UROS: variants seen among roughly 807,000 people sequenced by gnomAD.
UROS encodes the protein uroporphyrinogen III synthase.
A neutral mutation model predicts 33.0 loss-of-function variants in UROS; 18 were observed. The ratio of observed to expected loss-of-function variants is 0.55; its 90% CI spans 0.38 to 0.81. The LOEUF (loss-of-function observed/expected upper bound fraction) is 0.81, where lower values mean the gene tolerates loss of function less well. Ranked by LOEUF, UROS falls within the 30% of genes least tolerant of loss-of-function variation. The pLI is 0.00. For synonymous variants in UROS, 114 were observed against 121.1 expected, an observed-to-expected ratio of 0.94 and a Z score of 0.38; for missense variants, 293 against 314.9, an observed-to-expected ratio of 0.93 and a Z score of 0.53.
At position 125,810,663 on chromosome 10, in the gene UROS, G is replaced by A. The variant is rs140927677; in HGVS notation, c.319+1551C>T. Among the ~76,000 whole-genome samples the A allele has an allele frequency of 1.2e-3, 187 of 152,284 alleles. 1 individual carries two copies. Among genetic ancestry groups the A allele is most frequent in the Non-Finnish European group, 1.2e-3 (84 of 68,016 alleles). ...GGGCCTGGTCTCCTCCCAGCTGTTG[G>A]TGCTCAACTTCTGATAACTCTCCAG... is the stretch of plus-strand genomic sequence containing the variant. On this transcript the variant is annotated intron_variant, in intron 5 of 9. Transcript: ENST00000368797.
At position 125,788,819 on chromosome 10, in the gene UROS, GCCAGC is replaced by G. The variant is rs764517184; in HGVS notation, c.*44_*48del. 4 of 1,543,794 alleles carry G rather than the reference GCCAGC, an allele frequency of 2.6e-6. No homozygotes were observed. The highest frequency in any genetic ancestry group is 2.6e-6 in the Non-Finnish European group (3 of 1,143,556). ...TTGCCGATGCCTGGCTCCATCCAGA[GCCAGC>G]CCAGCCCAGGGAGGCTGCATGGGGC... On this transcript the variant is annotated 3_prime_UTR_variant, in exon 10 of 10. Transcript: ENST00000368797.
At chr10:125,804,504 G>C (rs1377029089) in intron 6 of UROS, among the ~76,000 whole-genome samples, 5 of 152,196 alleles carry the variant, frequency 3.3e-5, no homozygotes, top group African/African-American at 1.2e-4. Context: ...AACCTGAGTA[G>C]GGAGTCGTGA....
chr10:125,794,923 T>C lies in UROS; in HGVS notation c.617A>G (p.Lys206Arg). 1 of 1,614,166 alleles carries C rather than the reference T, an allele frequency of 6.2e-7. No homozygotes were observed. Among genetic ancestry groups the C allele is most frequent in the African/African-American group, 1.3e-5 (1 of 75,032 alleles). The change falls in exon 9 of 10, where the codon AAG (lysine) becomes AGG (arginine). Residue 206 changes from lysine to arginine, a missense_variant. By Grantham distance (26) the Lys-to-Arg change is conservative (BLOSUM62 2). Coordinates refer to ENST00000368797, the MANE Select transcript of UROS (RefSeq NM_000375.3). ...FSPSGLTYSL[K>R]HIQELSGDNI... is the part of the protein sequence containing the mutation. The stretch of plus-strand genomic sequence containing the variant: ...GTCACCAGATAACTCCTGAATGTGC[T>C]TGAGACTGTATGTGAGGCCAGAGGG...
intron 6 of UROS, among the ~76,000 whole-genome samples, chr10:125,805,605 G>A (rs1852261470): frequency 6.6e-6 from 1 of 152,184 alleles, no homozygotes; most frequent in Non-Finnish European, 1.5e-5. Flanking sequence ...TGTGAAATGT[G>A]CCCAGTGTGA....
intron 6 of UROS, among the ~76,000 whole-genome samples, chr10:125,800,038 G>C (rs1851696256): frequency 6.6e-6 from 1 of 152,092 alleles, no homozygotes; most frequent in African/African-American, 2.4e-5. Flanking sequence ...TGGAATTCTG[G>C]GCTGTCCGGG....
At chr10:125,787,225 C>T (rs1446396157), downstream of UROS, among the ~76,000 whole-genome samples, 1 of 152,218 alleles carries the variant, frequency 6.6e-6, no homozygotes, top group African/African-American at 2.4e-5. Context: ...CTGTCCCCTA[C>T]CCCGAGGCTC....
intron 1 of UROS, among the ~76,000 whole-genome samples, chr10:125,822,438 T>C (rs1266235573): frequency 6.6e-6 from 1 of 152,126 alleles, no homozygotes; most frequent in Non-Finnish European, 1.5e-5. Flanking sequence ...TTCTCCTGCC[T>C]TAGCCTCCTG....
At chr10:125,795,246 T>C in intron 8 of UROS, 1 of 504,574 alleles carries the variant, frequency 2.0e-6, no homozygotes. Context: ...ATCCCGGAGC[T>C]CATGTGCCCA....
chr10:125,818,403 G>C (rs961305053), intron 1 of UROS, among the ~76,000 whole-genome samples: 1 of 152,100 alleles, frequency 6.6e-6, no homozygotes, highest in African/African-American at 2.4e-5. Context: ...TGAGGTGGGA[G>C]AATCACTTGA....
intron 9 of UROS, chr10:125,794,101 G>A (rs1851152457): frequency 6.5e-6 from 1 of 152,928 alleles, no homozygotes; most frequent in Non-Finnish European, 1.5e-5. Context: ...ACCATGGCAA[G>A]GCATCACCAT....
chr10:125,786,872 A>T (rs2133792701), downstream of UROS, among the ~76,000 whole-genome samples: 1 of 152,314 alleles, frequency 6.6e-6, no homozygotes, highest in East Asian at 1.9e-4. Context: ...GTTTCTCCAC[A>T]GTCCCTTTCA....
In UROS at chr10:125,815,080, T is replaced by A; in HGVS notation, c.198A>T (p.Ala66=). 6.2e-7 allele frequency: 1 copy of A among 1,614,226 alleles called. No individual in the cohort carries two copies. Residue 66 remains alanine (A), a synonymous_variant, in exon 4 of 10, where the codon GCA becomes GCT. Transcript: ENST00000368797. ...CCAAACATAACTCTGCTGCTTCCAC[T>A]GCTCTGGGGCTGGTAAAAATGAGTC... ...YGGLIFTSPR[A]VEAAELCLEQ...
At chr10:125,815,765 T>C (rs1332079018) in intron 3 of UROS, among the ~76,000 whole-genome samples, 1 of 152,240 alleles carries the variant, frequency 6.6e-6, no homozygotes, top group Non-Finnish European at 1.5e-5. Context: ...CCCTGTCTCT[T>C]ACTTGCTAGA....
At chr10:125,794,508 T>A in intron 9 of UROS, 1 of 381,148 alleles carries the variant, frequency 2.6e-6, no homozygotes, top group Non-Finnish European at 4.1e-6. Context: ...GAATAGACAA[T>A]AATGGCAAAC....
Position 125,807,477 on chromosome 10 carries a change from A to G in UROS, c.330T>C (p.Ile110=). The change falls in exon 6 of 10, where the codon ATT becomes ATC. Residue 110 remains isoleucine, a synonymous_variant. Transcript: ENST00000368797. The stretch of plus-strand genomic sequence containing the variant: ...AGGTTTCTCCTTCTGTATCCAGGCC[A>G]ATTTTACTCACTGGAAAACCACAAA... The part of the protein sequence containing the change: ...GNATASLVSK[I]GLDTEGETCG... 6.2e-7 allele frequency: 1 copy of G among 1,613,870 alleles called. No individual in the cohort carries two copies. The highest frequency in any genetic ancestry group is 8.5e-7 in the Non-Finnish European group (1 of 1,179,832).
intron 4 of UROS, 82 bp from the exon 5 acceptor site, chr10:125,812,370 A>C (rs1852895072): frequency 7.7e-7 from 1 of 1,298,874 alleles, no homozygotes; most frequent in Non-Finnish European, 1.1e-6. Flanking sequence ...TGTTCACCCT[A>C]AGAAACTGTG....
chr10:125,806,571 C>G (rs1440665514), intron 6 of UROS, among the ~76,000 whole-genome samples: 2 of 152,226 alleles, frequency 1.3e-5, no homozygotes, highest in African/African-American at 4.8e-5. Context: ...GTAGTTCTGA[C>G]AGACCATTTG....
rs773818595 is a variant in UROS, at chr10:125,816,193, G to T, written c.131C>A (p.Pro44His). 11 of 1,614,068 alleles carry T rather than the reference G, an allele frequency of 6.8e-6. No homozygotes were observed. In the East Asian group the frequency reaches 2.5e-4, roughly 36 times the overall value. The change falls in exon 3 of 10, where the codon CCC becomes CAC. Residue 44 changes from proline (P) to histidine (H), a missense_variant. Pro to His is a moderately conservative substitution (Grantham distance 77). Transcript: ENST00000368797. ...PVLSFEFLSL[P>H]SFSEKLSHPE... Reference sequence around the variant, plus strand: ...AGGCCTTACCTTCTCAGAGAAACTGGGAAGAGACAAAAACTCAAACGATAA... The same window carrying T: ...AGGCCTTACCTTCTCAGAGAAACTGTGAAGAGACAAAAACTCAAACGATAA...
Position 125,807,441 on chromosome 10 carries a change from T to G in UROS, c.366A>C (p.Ala122=). The G allele has an allele frequency of 1.9e-6, 3 of 1,614,180 alleles. No individual in the cohort carries two copies. The highest frequency in any genetic ancestry group is 2.5e-6 in the Non-Finnish European group (3 of 1,180,020). Residue 122 remains alanine (A), a synonymous_variant, in exon 6 of 10, where the codon GCA becomes GCC. Transcript: ENST00000368797. ...LDTEGETCGN[A]EKLAEYICSR... is the part of the protein sequence containing the mutation. ...AACAAATATATTCTGCAAGCTTTTC[T>G]GCATTTCCACAGGTTTCTCCTTCTG...
Sources: allele counts gnomAD v4.1 joint callset (sites outside exome capture counted in the v4.1 genomes callset), GRCh38; gene constraint gnomAD v4.1.1; transcripts MANE v1.5; gene names NCBI Gene and HGNC (gene_info 2026-07-23, HGNC 2026-07-21).